The following RBFOX1 variants were observed in gnomAD, a reference collection of about 807,000 sequenced individuals.
RBFOX1 encodes the protein RNA binding protein fox-1 homolog 1.
Under a neutral mutation model 57.7 loss-of-function variants are expected in RBFOX1, and 8 were observed. The ratio of observed to expected loss-of-function variants is 0.14; its 90% CI spans 0.08 to 0.25. The LOEUF (loss-of-function observed/expected upper bound fraction) is 0.25, where lower values mean the gene tolerates loss of function less well. Among genes scored for constraint, RBFOX1 ranks in the 10% least tolerant of loss-of-function variants. The pLI is 1.00. For synonymous variants in RBFOX1, 326 were observed against 222.4 expected (o/e 1.47, Z -4.15); for missense variants, 611 against 548.5 (o/e 1.11, Z -1.14).
chr16:6,503,579 G>A (rs2096002568), intron 2 of RBFOX1, among the ~76,000 whole-genome samples: 1 of 152,290 alleles, frequency 6.6e-6, no homozygotes, highest in South Asian at 2.1e-4. Context: ...GGTTGCCTCA[G>A]TTTTCTTATT....
chr16:5,908,389 G>A (rs111592720), intron 4 of RBFOX1, among the ~76,000 whole-genome samples: 10,631 of 149,868 alleles, frequency 0.071, 669 homozygotes, highest in Non-Finnish European at 0.094. Flanking sequence ...GTCTGACTCT[G>A]TTGTCCAGGC....
chr16:6,761,594 G>T (rs1444991789), intron 3 of RBFOX1, among the ~76,000 whole-genome samples: 1 of 124,890 alleles, frequency 8.0e-6, no homozygotes, highest in Admixed American at 1.1e-4. Flanking sequence ...TGTAACCTCT[G>T]CCTCCCAGAT....
chr16:5,564,664 G>C (rs1407972812), intron 2 of RBFOX1, among the ~76,000 whole-genome samples: 1 of 152,134 alleles, frequency 6.6e-6, no homozygotes, highest in Non-Finnish European at 1.5e-5. Context: ...ATACCTATGT[G>C]ACTTGGAACC....
chr16:7,343,310 T>A (rs1388200507), intron 4 of RBFOX1, among the ~76,000 whole-genome samples: 1 of 151,912 alleles, frequency 6.6e-6, no homozygotes, highest in East Asian at 1.9e-4. Flanking sequence ...ATCCAGATGT[T>A]CCCCCAAAGC....
rs374408920 is a variant in RBFOX1, at chr16:6,068,027, C to G, written c.-127+48035C>G. On this transcript the variant is annotated intron_variant, in intron 1 of 15. Coordinates refer to ENST00000550418, the MANE Select transcript of RBFOX1 (RefSeq NM_018723.4). ...TTTCTATCAATATGACCAAGATTTC[C>G]TCGATTTTCTTTTATTCTCAGAGTT... 3.3e-5 allele frequency among the ~76,000 whole-genome samples: 5 copies of G among 152,240 alleles called. No individual in the cohort carries two copies. The East Asian group carries it at 7.7e-4, about 24-fold the overall frequency.
intron 4 of RBFOX1, among the ~76,000 whole-genome samples, chr16:5,963,673 G>A (rs980641266): frequency 5.3e-5 from 8 of 152,134 alleles, no homozygotes; most frequent in South Asian, 4.1e-4. Flanking sequence ...TGGTCTCTTC[G>A]AGAAATGTTA....
intron 2 of RBFOX1, among the ~76,000 whole-genome samples, chr16:5,468,523 C>A (rs1161674698): frequency 6.6e-6 from 1 of 152,142 alleles, no homozygotes; most frequent in Non-Finnish European, 1.5e-5. Flanking sequence ...CATAGAATTA[C>A]CATATGGCCC....
intron 3 of RBFOX1, among the ~76,000 whole-genome samples, chr16:6,876,524 T>C (rs12926458): frequency 0.25 from 38,428 of 151,972 alleles, 5,085 homozygotes; most frequent in African/African-American, 0.32. Flanking sequence ...ACAGTAGGCA[T>C]TTAATATTTG....
intron 3 of RBFOX1, among the ~76,000 whole-genome samples, chr16:6,894,895 T>C (rs541579605): frequency 3.3e-5 from 5 of 152,300 alleles, no homozygotes; most frequent in African/African-American, 9.6e-5. Flanking sequence ...AAGTAGCATG[T>C]GGCTTTCTCA....
At chr16:6,507,969 C>A (rs556184200) in intron 2 of RBFOX1, among the ~76,000 whole-genome samples, 1 of 152,098 alleles carries the variant, frequency 6.6e-6, no homozygotes, top group South Asian at 2.1e-4. Flanking sequence ...AACCTAAATG[C>A]CCATCAATGA....
intron 1 of RBFOX1, among the ~76,000 whole-genome samples, chr16:6,158,423 T>G (rs1197350045): frequency 6.6e-6 from 1 of 152,220 alleles, no homozygotes. Flanking sequence ...TCGCCGTGCC[T>G]GTGAGGCCTC....
rs74632758 is a variant in RBFOX1, at chr16:7,066,671, A to G, written c.27+14573A>G. Among the ~76,000 whole-genome samples the G allele has an allele frequency of 6.5e-3, 988 of 152,308 alleles. 13 individuals are homozygous for G. Among genetic ancestry groups the G allele is most frequent in the African/African-American group, 0.022 (928 of 41,564 alleles). On this transcript the variant is annotated intron_variant, in intron 4 of 15. Coordinates refer to ENST00000550418, the MANE Select transcript of RBFOX1 (RefSeq NM_018723.4). ...ACTATAGCAGCAATTATAGAAATCT[A>G]TGTGTTCTAATTTAAGGTCCTTCCA...
At chr16:5,749,910 G>C (rs1157934069) in intron 3 of RBFOX1, among the ~76,000 whole-genome samples, 1 of 152,184 alleles carries the variant, frequency 6.6e-6, no homozygotes, top group Non-Finnish European at 1.5e-5. Flanking sequence ...TGCTGGTGAG[G>C]AGCTGCGTTC....
intron 3 of RBFOX1, among the ~76,000 whole-genome samples, chr16:6,835,752 TAAAAAAAA>T (rs56299805): frequency 1.6e-4 from 12 of 76,986 alleles, no homozygotes; most frequent in African/African-American, 3.1e-4. Flanking sequence ...AGACTCTGCT[TAAAAAAAA>T]AAAAAAAAAA....
At chr16:6,158,991 C>T (rs192444599) in intron 1 of RBFOX1, among the ~76,000 whole-genome samples, 241 of 152,120 alleles carry the variant, frequency 1.6e-3, no homozygotes, top group African/African-American at 5.0e-3. Flanking sequence ...CAACCTCCAC[C>T]TCCTGGGTTC....
chr16:5,761,987 C>G (rs1167063807), intron 3 of RBFOX1, among the ~76,000 whole-genome samples: 1 of 152,114 alleles, frequency 6.6e-6, no homozygotes, highest in Non-Finnish European at 1.5e-5. Context: ...GGTCTCTGCC[C>G]TTTGTCACCT....
chr16:6,314,838 T>C (rs2080871186), intron 1 of RBFOX1, among the ~76,000 whole-genome samples: 1 of 152,242 alleles, frequency 6.6e-6, no homozygotes, highest in African/African-American at 2.4e-5. Flanking sequence ...ACTGTGAATC[T>C]CTAGAAGAGA....
chr16:7,349,638 A>C (rs2145859052), intron 4 of RBFOX1, among the ~76,000 whole-genome samples: 1 of 152,170 alleles, frequency 6.6e-6, no homozygotes, highest in Non-Finnish European at 1.5e-5. Context: ...TCCGCTTGAG[A>C]GGCTGAGGAG....
intron 4 of RBFOX1, among the ~76,000 whole-genome samples, chr16:7,501,807 T>A (rs1258089778): frequency 6.6e-6 from 1 of 152,206 alleles, no homozygotes; most frequent in East Asian, 1.9e-4. Flanking sequence ...CTTAAATTTA[T>A]CTTCTCTGGG....
Sources: gnomAD v4.1 joint callset for allele counts (sites outside exome capture counted in the v4.1 genomes callset) on GRCh38, gnomAD v4.1.1 for gene constraint, MANE v1.5 for transcripts, NCBI Gene and HGNC (gene_info 2026-07-23, HGNC 2026-07-21) for gene names.